IL1RAPL2: variants seen among roughly 807,000 people sequenced by gnomAD.
IL1RAPL2 encodes interleukin 1 receptor accessory protein like 2.
IL1RAPL2 carries 3 observed loss-of-function variants against 44.1 expected under a neutral mutation model. The observed-to-expected ratio is 0.07, with a 90% confidence interval of 0.03 to 0.18. The LOEUF is 0.18. Among genes scored for constraint, IL1RAPL2 ranks in the 10% least tolerant of loss-of-function variants. IL1RAPL2 has a pLI of 1.00. For synonymous variants in IL1RAPL2, 181 were observed against 178.8 expected (o/e 1.01, Z -0.10); for missense variants, 391 against 496.4 (o/e 0.79, Z 2.02).
chrX:105,667,938 T>C (rs926408409), intron 6 of IL1RAPL2, among the ~76,000 whole-genome samples: 71 of 110,629 alleles, frequency 6.4e-4, no homozygotes, highest in African/African-American at 2.2e-3. Context: ...AACATGCATC[T>C]TTCCTATAAT....
At chrX:104,777,541 AATTATTATTATTATTATTATTATT>A (rs376271609) in intron 2 of IL1RAPL2, among the ~76,000 whole-genome samples, 4 of 85,317 alleles carry the variant, frequency 4.7e-5, no homozygotes, top group African/African-American at 1.3e-4. Context: ...CTCTGCTTTC[AATTATTATTATTATTATTATTATT>A]ATTATTATTA....
At chrX:104,806,445 G>T (rs1462507730) in intron 2 of IL1RAPL2, among the ~76,000 whole-genome samples, 2 of 112,633 alleles carry the variant, frequency 1.8e-5, no homozygotes, top group Non-Finnish European at 3.7e-5. Context: ...TCTGACAGAG[G>T]TCAACGGGAA....
chrX:104,905,937 C>G (rs1229499947), intron 2 of IL1RAPL2, among the ~76,000 whole-genome samples: 1 of 110,158 alleles, frequency 9.1e-6, no homozygotes, highest in Admixed American at 9.7e-5. Context: ...TACCCGTGAA[C>G]ATGGAATATT....
At chrX:104,916,394 G>A (rs1239066675) in intron 2 of IL1RAPL2, among the ~76,000 whole-genome samples, 1 of 111,635 alleles carries the variant, frequency 9.0e-6, no homozygotes, top group Non-Finnish European at 1.9e-5. Context: ...GTATAAGAAT[G>A]CTTGTGATTT....
chrX:105,260,156 A>G (rs760100570), intron 4 of IL1RAPL2, among the ~76,000 whole-genome samples: 3 of 112,321 alleles, frequency 2.7e-5, no homozygotes, highest in Non-Finnish European at 5.6e-5. Flanking sequence ...AAGACTGGCT[A>G]CATTTTGGTA....
chrX:105,368,245 C>A (rs1462206752), intron 5 of IL1RAPL2, among the ~76,000 whole-genome samples: 1 of 111,376 alleles, frequency 9.0e-6, no homozygotes, highest in Non-Finnish European at 1.9e-5. Flanking sequence ...CTCTCTCTTG[C>A]ATCCTGTCTT....
At chrX:104,656,803 G>A in intron 1 of IL1RAPL2, among the ~76,000 whole-genome samples, 1 of 111,292 alleles carries the variant, frequency 9.0e-6, no homozygotes, top group Non-Finnish European at 1.9e-5. Flanking sequence ...TTATTGCATG[G>A]CAGTCTACGT....
chrX:105,388,356 A>ATTTTTTTTTTTT (rs772573698), intron 5 of IL1RAPL2, among the ~76,000 whole-genome samples: 1 of 61,264 alleles, frequency 1.6e-5, no homozygotes, highest in Non-Finnish European at 2.6e-5. Flanking sequence ...ACCAAAGCAG[A>ATTTTTTTTTTTT]TTTTTTTTTT....
intron 2 of IL1RAPL2, among the ~76,000 whole-genome samples, chrX:104,886,932 G>A (rs73245718): frequency 0.067 from 7,490 of 111,836 alleles, 217 homozygotes; most frequent in East Asian, 0.1. Flanking sequence ...ATGCAAGCAG[G>A]CTACTCTAGA....
At chrX:104,572,272 A>G (rs1928162264) in intron 1 of IL1RAPL2, among the ~76,000 whole-genome samples, 1 of 111,922 alleles carries the variant, frequency 8.9e-6, no homozygotes, top group Non-Finnish European at 1.9e-5. Context: ...ATTAGCTGTA[A>G]AACTAAGTCC....
chrX:104,831,430 T>A (rs1921603752), intron 2 of IL1RAPL2, among the ~76,000 whole-genome samples: 1 of 111,687 alleles, frequency 9.0e-6, no homozygotes, highest in Admixed American at 9.6e-5. Context: ...AGGTAGAATA[T>A]CATTATGATT....
intron 3 of IL1RAPL2, among the ~76,000 whole-genome samples, chrX:105,232,442 A>G (rs2061418477): frequency 8.9e-6 from 1 of 112,034 alleles, no homozygotes; most frequent in South Asian, 3.7e-4. Context: ...CACCCTTGGC[A>G]ATTTTAGTTT....
At chrX:105,295,314 A>G (rs1256005715) in intron 5 of IL1RAPL2, among the ~76,000 whole-genome samples, 2 of 111,763 alleles carry the variant, frequency 1.8e-5, no homozygotes, top group African/African-American at 6.5e-5. Flanking sequence ...ACCTGAGATT[A>G]TTGAAATAGT....
intron 2 of IL1RAPL2, among the ~76,000 whole-genome samples, chrX:104,978,698 G>C (rs2030382075): frequency 8.9e-6 from 1 of 112,250 alleles, no homozygotes; most frequent in African/African-American, 3.2e-5. Context: ...TATTATAATT[G>C]TATAAGTATG....
At chrX:105,079,046 C>T (rs1007037747) in intron 2 of IL1RAPL2, among the ~76,000 whole-genome samples, 1 of 112,220 alleles carries the variant, frequency 8.9e-6, no homozygotes, top group Non-Finnish European at 1.9e-5. Context: ...ATCCTGCACC[C>T]ACTGTCCAGC....
intron 1 of IL1RAPL2, among the ~76,000 whole-genome samples, chrX:104,575,679 C>T (rs1304634244): frequency 8.9e-6 from 1 of 111,958 alleles, no homozygotes; most frequent in Non-Finnish European, 1.9e-5. Context: ...GCCAGTGCCA[C>T]TATCTATACA....
chrX:104,611,085 T>A (rs1929146294), intron 1 of IL1RAPL2, among the ~76,000 whole-genome samples: 1 of 111,395 alleles, frequency 9.0e-6, no homozygotes, highest in Non-Finnish European at 1.9e-5. Flanking sequence ...CTGTATGGGG[T>A]GTCTGTCAGT....
chrX:104,639,978 T>C (rs915694683), intron 1 of IL1RAPL2, among the ~76,000 whole-genome samples: 1 of 111,795 alleles, frequency 8.9e-6, no homozygotes, highest in African/African-American at 3.2e-5. Flanking sequence ...CCTTTTTGAA[T>C]TGTATCTGAC....
intron 2 of IL1RAPL2, among the ~76,000 whole-genome samples, chrX:105,043,055 A>C (rs1337934354): frequency 1.5e-4 from 12 of 79,249 alleles, no homozygotes; most frequent in East Asian, 9.9e-4. Context: ...AGGAAGGGGA[A>C]CATCACACTC....
Sources: gnomAD v4.1 joint callset for allele counts (sites outside exome capture counted in the v4.1 genomes callset) on GRCh38, gnomAD v4.1.1 for gene constraint, MANE v1.5 for transcripts, NCBI Gene and HGNC (gene_info 2026-07-23, HGNC 2026-07-21) for gene names.